Variants in FAM9C observed in about 807,000 individuals in gnomAD.
FAM9C encodes the protein family with sequence similarity 9 member C, also known as protein FAM9C.
In FAM9C, 15 loss-of-function variants were observed where a neutral mutation model predicts 14.8. The ratio of observed to expected loss-of-function variants is 1.02; its 90% confidence interval spans 0.68 to 1.56. The LOEUF (loss-of-function observed/expected upper bound fraction) is 1.56. FAM9C is among the 40% of genes most tolerant of loss of function. The probability of loss-of-function intolerance (pLI) is 0.00; values close to 1 mark genes in which losing one functional copy is unlikely to be tolerated. For missense variants in FAM9C, 116 were observed against 118.0 expected (o/e 0.98, Z 0.08); for synonymous variants, 45 against 37.5 (o/e 1.20, Z -0.74).
At chrX:13,040,684 C>T in intron 5 of FAM9C, 74 bp downstream of exon 5, 1 of 741,876 alleles carries the variant, frequency 1.3e-6, no homozygotes, top group Non-Finnish European at 1.9e-6. Context: ...CAGGATAGTT[C>T]TGGAAATTAT....
intron 7 of FAM9C, chrX:13,037,324 G>A (rs185793447): frequency 1.8e-5 from 2 of 112,507 alleles, no homozygotes; most frequent in African/African-American, 3.2e-5. Context: ...CCATTGCAGA[G>A]TAAAACTTGC....
intron 6 of FAM9C, 77 bp from the exon 7 acceptor site, chrX:13,038,580 A>G (rs1450002392): frequency 1.1e-6 from 1 of 891,950 alleles, no homozygotes; most frequent in Non-Finnish European, 1.5e-6. Flanking sequence ...TTAAAGAAAT[A>G]CTCTTTAAAT....
At chrX:13,038,609 T>C in intron 6 of FAM9C, 106 bp from the exon 7 acceptor site, 1 of 681,066 alleles carries the variant, frequency 1.5e-6, no homozygotes, top group African/African-American at 2.2e-5. Flanking sequence ...CTGAACACTT[T>C]CTTTTAGACA....
chrX:13,043,047 C>G, intron 3 of FAM9C, 81 bp downstream of exon 3: 1 of 1,174,557 alleles, frequency 8.5e-7, no homozygotes, highest in Admixed American at 2.4e-5. Context: ...CTGCATAGAA[C>G]ATAACAGTGA....
At chrX:13,041,607 A>T (rs2043528453) in intron 4 of FAM9C, 1 of 112,581 alleles carries the variant, frequency 8.9e-6, no homozygotes, top group African/African-American at 3.2e-5. Context: ...GGTAGAAATA[A>T]CTTAATACAC....
intron 5 of FAM9C, chrX:13,040,326 T>C (rs1269994907): frequency 1.3e-6 from 1 of 750,295 alleles, no homozygotes; most frequent in East Asian, 1.5e-4. Context: ...ATTTCTCCAC[T>C]TTGGCACGAC....
chrX:13,043,814 C>T lies in FAM9C; in HGVS notation c.-25G>A. 8.3e-7 allele frequency: 1 copy of T among 1,208,365 alleles called. No homozygotes were observed. The highest frequency in any genetic ancestry group is 1.7e-5 in the African/African-American group (1 of 57,924). Reference sequence around the variant, plus strand: ...TCCTGCTGCCCTTCCTGCCCACGGGCTCCGTGGCTGACTGGCCTGGGAAGC... The same window carrying T: ...TCCTGCTGCCCTTCCTGCCCACGGGTTCCGTGGCTGACTGGCCTGGGAAGC... On this transcript the variant is annotated 5_prime_UTR_variant, in exon 2 of 8. Transcript: ENST00000380625.
intron 7 of FAM9C, 52 bp downstream of exon 7, chrX:13,038,364 A>G: frequency 1.1e-6 from 1 of 937,093 alleles, no homozygotes; most frequent in East Asian, 3.4e-5. Flanking sequence ...TTCTATTTTT[A>G]TGCATGTGTT....
At chrX:13,041,947 A>G (rs1175218503) in intron 4 of FAM9C, 1 of 112,421 alleles carries the variant, frequency 8.9e-6, no homozygotes, top group African/African-American at 3.2e-5. Flanking sequence ...TGCTCATTGT[A>G]TTAGACAAAA....
At chrX:13,036,952 G>A (rs1207616016) in intron 7 of FAM9C, 1 of 112,037 alleles carries the variant, frequency 8.9e-6, no homozygotes, top group Non-Finnish European at 1.9e-5. Context: ...GCATTGTGAG[G>A]GAAGAGCATG....
rs144437013 is a variant in FAM9C at position 13,040,792 on chromosome X, T to C, written c.295A>G (p.Ile99Val). 1.7e-6 allele frequency: 2 copies of C among 1,190,570 alleles called. No homozygotes were observed. The highest frequency in any genetic ancestry group is 1.8e-5 in the African/African-American group (1 of 56,639). ...TGTGTTGTTCTCAAAACATTTTTAA[T>C]TCTGTTCTTTATTTCGCTGCAAGCT... is the stretch of plus-strand genomic sequence containing the variant. ...AKACSEIKNR[I>V]KNVLRTTQLK... The change falls in exon 5 of 8, where the codon ATT (isoleucine) becomes GTT (valine). Residue 99 changes from isoleucine (I) to valine (V), a missense_variant. Transcript: ENST00000380625.
chrX:13,042,082 C>T, intron 4 of FAM9C: 1 of 112,073 alleles, frequency 8.9e-6, no homozygotes, highest in Non-Finnish European at 1.9e-5. Flanking sequence ...TCTTCATAAT[C>T]TCTACAGAAA....
intron 2 of FAM9C, among the ~76,000 whole-genome samples, chrX:13,043,514 A>G (rs2043546659): frequency 1.8e-5 from 2 of 112,576 alleles, no homozygotes; most frequent in African/African-American, 6.5e-5. Context: ...CTGCTCTGAG[A>G]GCATCTGTAA....
intron 2 of FAM9C, 44 bp from the exon 3 acceptor site, chrX:13,043,292 C>G (rs772523544): frequency 6.0e-6 from 7 of 1,159,827 alleles, no homozygotes; most frequent in Non-Finnish European, 8.0e-6. Flanking sequence ...GAGGAAGACG[C>G]TGTTGTGGAC....
intron 1 of FAM9C, among the ~76,000 whole-genome samples, chrX:13,044,242 C>T (rs768791145): frequency 7.8e-4 from 87 of 111,469 alleles, no homozygotes; most frequent in African/African-American, 2.8e-3. Flanking sequence ...CCAGCCTGGA[C>T]GCCCAGGGGA....
In FAM9C at chrX:13,043,724, T is replaced by G. The variant is rs1352637567; in HGVS notation, c.61+5A>C. 6 of 1,211,843 alleles carry G rather than the reference T, an allele frequency of 5.0e-6. No homozygotes were observed. The highest frequency in any genetic ancestry group is 4.5e-6 in the Non-Finnish European group (4 of 895,295). On this transcript the variant is annotated splice_donor_5th_base_variant and intron_variant, in intron 2 of 7. Transcript: ENST00000380625. ...TTCTTCTAGGTCCCCTTGGGCTGTG[T>G]TTACCTGCAAGCTCCATTTCCTGGG...
chrX:13,042,082 C>A (rs1207285673), intron 4 of FAM9C: 1 of 112,073 alleles, frequency 8.9e-6, no homozygotes, highest in African/African-American at 3.2e-5. Context: ...TCTTCATAAT[C>A]TCTACAGAAA....
In FAM9C at chrX:13,038,858, A is replaced by G. The variant is rs149385255; in HGVS notation, c.439-355T>C. 7.1e-3 allele frequency among the ~76,000 whole-genome samples: 790 copies of G among 111,952 alleles called. 5 individuals are homozygous for G. The highest frequency in any genetic ancestry group is 0.024 in the African/African-American group (748 of 30,779). ...ATTCTTTCTTACTAAGATTTTAAACACCTGTTAAATCTTGGTCATTTCAAT... is the reference window on the plus strand; with the variant it reads ...ATTCTTTCTTACTAAGATTTTAAACGCCTGTTAAATCTTGGTCATTTCAAT... On this transcript the variant is annotated intron_variant, in intron 6 of 7. Transcript: ENST00000380625.
In FAM9C at chrX:13,043,183, C is replaced by A; in HGVS notation, c.127G>T (p.Val43Leu). ...KPVTETKEGDVTDEHGERGSF... is the reference protein window; with the variant it reads ...KPVTETKEGDLTDEHGERGSF... ...CCTCTTTCCCCATGCTCATCAGTTA[C>A]ATCTCCCTCCTTTGTCTCTGTAACA... is the stretch of plus-strand genomic sequence containing the variant. The change falls in exon 3 of 8, where the codon GTA becomes TTA. Residue 43 changes from valine (V) to leucine (L), a missense_variant. Coordinates refer to ENST00000380625, the MANE Select transcript of FAM9C (RefSeq NM_174901.6). 1 of 1,211,318 alleles carries A rather than the reference C, an allele frequency of 8.3e-7. No homozygotes were observed. Among genetic ancestry groups the A allele is most frequent in the Admixed American group, 2.2e-5 (1 of 45,997 alleles).
Sources: allele counts gnomAD v4.1 joint callset (sites outside exome capture counted in the v4.1 genomes callset), GRCh38; gene constraint gnomAD v4.1.1; transcripts MANE v1.5; gene names NCBI Gene and HGNC (gene_info 2026-07-23, HGNC 2026-07-21).